The following PCBP3 variants were observed in gnomAD, a reference collection of about 807,000 sequenced individuals.
The protein encoded by PCBP3 is poly(rC)-binding protein 3.
In PCBP3, 25 loss-of-function variants were observed where a neutral mutation model predicts 52.7. The observed-to-expected ratio is 0.47, with a 90% CI of 0.35 to 0.66. PCBP3 has a LOEUF of 0.66. PCBP3 is among the 30% of genes least tolerant of loss of function. PCBP3 has a pLI of 0.01. For missense variants in PCBP3, 391 were observed against 490.3 expected (o/e 0.80, Z 1.91); for synonymous variants, 162 against 183.0 (o/e 0.89, Z 0.93).
intron 2 of PCBP3, among the ~76,000 whole-genome samples, chr21:45,675,294 G>A (rs1156578580): frequency 6.6e-6 from 1 of 152,170 alleles, no homozygotes; most frequent in Admixed American, 6.5e-5. Flanking sequence ...GTCCTGGGCT[G>A]GGCCTGTCTG....
intron 1 of PCBP3, among the ~76,000 whole-genome samples, chr21:45,651,364 A>C (rs1459407380): frequency 6.6e-6 from 1 of 152,164 alleles, no homozygotes; most frequent in African/African-American, 2.4e-5. Flanking sequence ...TGTGTAGAAA[A>C]ATTGGAAGAA....
chr21:45,907,565 C>A (rs960011451), intron 9 of PCBP3, among the ~76,000 whole-genome samples: 6 of 152,148 alleles, frequency 3.9e-5, no homozygotes, highest in Admixed American at 6.5e-5. Flanking sequence ...TGCTATGGGA[C>A]CTTTTTTGAC....
chr21:45,711,839 T>G (rs963861500), intron 2 of PCBP3, among the ~76,000 whole-genome samples: 1 of 152,206 alleles, frequency 6.6e-6, no homozygotes, highest in Non-Finnish European at 1.5e-5. Flanking sequence ...AGTTCTATGG[T>G]TTTTGAGAAC....
intron 1 of PCBP3, among the ~76,000 whole-genome samples, chr21:45,663,601 G>C (rs191769082): frequency 6.6e-6 from 1 of 152,164 alleles, no homozygotes; most frequent in African/African-American, 2.4e-5. Context: ...TCTGCGTATG[G>C]CTATCCAGTT....
Position 45,880,818 on chromosome 21 carries a change from C to G in PCBP3, c.11-15390C>G, listed in dbSNP as rs1190730058. Among the ~76,000 whole-genome samples, 1 of 152,126 alleles carries G rather than the reference C, an allele frequency of 6.6e-6. No individual in the cohort carries two copies. The highest frequency in any genetic ancestry group is 1.5e-5 in the Non-Finnish European group (1 of 68,008). On this transcript the variant is annotated intron_variant, in intron 5 of 17. Transcript: ENST00000681687. This position sits in a 1 kb window ranked among gnomAD's most constrained non-coding sequence, Gnocchi z 5.4. ...GTCCCTGCCACGGAAGCCAGGGAGC[C>G]AGCGGGAGGGCAGGGAGCAGTGACA...
intron 3 of PCBP3, chr21:45,744,112 T>C (rs2086650783): frequency 7.0e-6 from 1 of 143,478 alleles, no homozygotes; most frequent in Non-Finnish European, 1.6e-5. Flanking sequence ...AAAATGTGTA[T>C]ATGTTTTATA....
At chr21:45,745,296 C>G (rs1370467903) in intron 3 of PCBP3, among the ~76,000 whole-genome samples, 1 of 152,116 alleles carries the variant, frequency 6.6e-6, no homozygotes, top group Non-Finnish European at 1.5e-5. Context: ...AAGAGTTGAA[C>G]CCAGGGGAAA....
chr21:45,763,875 C>T (rs2088984823), intron 4 of PCBP3: 1 of 152,324 alleles, frequency 6.6e-6, no homozygotes, highest in Non-Finnish European at 1.5e-5. Flanking sequence ...CCGTGGGAAC[C>T]TCTAGGTTGA....
Position 45,724,640 on chromosome 21 carries a change from G to A in PCBP3, c.-199-10752G>A, listed in dbSNP as rs150683273. On this transcript the variant is annotated intron_variant, in intron 2 of 17. Coordinates refer to ENST00000681687, the MANE Select transcript of PCBP3 (RefSeq NM_001384156.1). The surrounding 1 kb of genome is among the most constrained non-coding windows in gnomAD (Gnocchi z 5.3). ...GTGAGAATGAGAAGCGGTGTGAGAC[G>A]TGTAGATTTGTGGGCAGTGATGGGG... Among the ~76,000 whole-genome samples the A allele has an allele frequency of 0.019, 2,817 of 152,186 alleles. 41 individuals carry two copies. The highest frequency in any genetic ancestry group is 0.046 in the Admixed American group (710 of 15,302).
At chr21:45,858,036 C>A (rs1362104459) in intron 5 of PCBP3, among the ~76,000 whole-genome samples, 1 of 152,250 alleles carries the variant, frequency 6.6e-6, no homozygotes, top group Admixed American at 6.5e-5. Flanking sequence ...ACCCACCCTG[C>A]ACTCCTGCCT....
At chr21:45,844,869 T>G (rs2093774683) in intron 4 of PCBP3, among the ~76,000 whole-genome samples, 1 of 146,518 alleles carries the variant, frequency 6.8e-6, no homozygotes, top group Non-Finnish European at 1.5e-5. Flanking sequence ...TTTATATACG[T>G]ATATGAAGTT....
chr21:45,926,229 A>G (rs1031496837), intron 13 of PCBP3, among the ~76,000 whole-genome samples: 3 of 152,198 alleles, frequency 2.0e-5, no homozygotes, highest in Admixed American at 6.5e-5. Context: ...CTGAGGTTGC[A>G]GTGCAGCACG....
In PCBP3 at chr21:45,917,487, A is replaced by G; in HGVS notation, c.676-101A>G. The G allele has an allele frequency of 1.1e-6, 1 of 871,028 alleles. No individual in the cohort carries two copies. Among genetic ancestry groups the G allele is most frequent in the East Asian group, 2.4e-5 (1 of 41,204 alleles). 54.0% of individuals were successfully genotyped at this position (871,028 alleles called of 1,614,324 possible). On this transcript the variant is annotated intron_variant, in intron 12 of 17. Coordinates refer to ENST00000681687, the MANE Select transcript of PCBP3 (RefSeq NM_001384156.1). The surrounding 1 kb of genome is among the most constrained non-coding windows in gnomAD (Gnocchi z 5.3). Reference sequence around the variant, plus strand: ...CAGGTGGAGAGGCACACGAGGGGGAAGCTTCTACCGGAGGGTCCTTGTCAT... The same window carrying G: ...CAGGTGGAGAGGCACACGAGGGGGAGGCTTCTACCGGAGGGTCCTTGTCAT...
chr21:45,802,307 C>T lies in PCBP3; in HGVS notation c.-126+46855C>T, dbSNP rs1264326486. 6.6e-6 allele frequency among the ~76,000 whole-genome samples: 1 copy of T among 152,148 alleles called. No individual in the cohort carries two copies. Among genetic ancestry groups the T allele is most frequent in the African/African-American group, 2.4e-5 (1 of 41,436 alleles). On this transcript the variant is annotated intron_variant, in intron 4 of 17. Coordinates refer to ENST00000681687, the MANE Select transcript of PCBP3 (RefSeq NM_001384156.1). The surrounding 1 kb of genome is among the most constrained non-coding windows in gnomAD (Gnocchi z 5.1). ...TGTCCGGCCCCTGCGTCAGCACCAC[C>T]CCTTGCTGTGTTCCTGAAGCGTCCT...
intron 5 of PCBP3, among the ~76,000 whole-genome samples, chr21:45,881,302 C>T (rs1261514090): frequency 1.3e-5 from 2 of 152,168 alleles, no homozygotes; most frequent in Admixed American, 1.3e-4. Flanking sequence ...TTGCTGAATT[C>T]TATGTGTTCA....
intron 4 of PCBP3, among the ~76,000 whole-genome samples, chr21:45,794,938 A>AG (rs2091844207): frequency 6.6e-6 from 1 of 152,102 alleles, no homozygotes; most frequent in Non-Finnish European, 1.5e-5. Flanking sequence ...CAAAAAAAAA[A>AG]AAAAGGACCT....
In PCBP3 at chr21:45,901,072, A is replaced by G; in HGVS notation, c.298A>G (p.Ile100Val). 1 of 1,614,010 alleles carries G rather than the reference A, an allele frequency of 6.2e-7. No individual in the cohort carries two copies. Among genetic ancestry groups the G allele is most frequent in the Non-Finnish European group, 8.5e-7 (1 of 1,179,878 alleles). ...GACCATCACAGGCCCCACAGACGCCATCTTCAAGGCCTTTGCCATGATCGC... is the reference window on the plus strand; with the variant it reads ...GACCATCACAGGCCCCACAGACGCCGTCTTCAAGGCCTTTGCCATGATCGC... ...IVTITGPTDA[I>V]FKAFAMIAYK... The change falls in exon 9 of 18, where the codon ATC becomes GTC. Residue 100 changes from isoleucine (I) to valine (V), a missense_variant. Ile to Val is a conservative substitution (Grantham distance 29). Coordinates refer to ENST00000681687, the MANE Select transcript of PCBP3 (RefSeq NM_001384156.1).
At chr21:45,792,306 A>G (rs1381674522) in intron 4 of PCBP3, among the ~76,000 whole-genome samples, 1 of 152,258 alleles carries the variant, frequency 6.6e-6, no homozygotes, top group Admixed American at 6.5e-5. Flanking sequence ...TTGGGATGCC[A>G]GGAGGGGCGG....
At chr21:45,820,825 A>T (rs2093111142) in intron 4 of PCBP3, among the ~76,000 whole-genome samples, 2 of 152,026 alleles carry the variant, frequency 1.3e-5, no homozygotes, top group Non-Finnish European at 2.9e-5. Context: ...GCGCTTTTTC[A>T]TCCTTGCAGC....
Sources: allele counts gnomAD v4.1 joint callset (sites outside exome capture counted in the v4.1 genomes callset), GRCh38; gene constraint gnomAD v4.1.1; non-coding constraint Gnocchi (gnomAD v3.1); transcripts MANE v1.5; gene names NCBI Gene and HGNC (gene_info 2026-07-23, HGNC 2026-07-21).